Variants in SH3GL3 observed in about 807,000 individuals in gnomAD.
SH3GL3 encodes SH3 domain containing GRB2 like 3, endophilin A3.
A neutral mutation model predicts 47.7 loss-of-function variants in SH3GL3; 33 were observed. That is an observed-to-expected ratio of 0.69 (90% CI 0.52 to 0.92). The LOEUF (loss-of-function observed/expected upper bound fraction) is 0.92. Ranked by LOEUF, SH3GL3 falls within the 40% of genes least tolerant of loss-of-function variation. The pLI, the probability that SH3GL3 is intolerant of heterozygous loss-of-function variation, is 0.00. For missense variants in SH3GL3, 363 were observed against 417.8 expected (o/e 0.87, Z 1.14); for synonymous variants, 155 against 148.8 (o/e 1.04, Z -0.30).
intron 1 of SH3GL3, among the ~76,000 whole-genome samples, chr15:83,514,663 TTCTC>T (rs2042907663): frequency 6.6e-6 from 1 of 152,196 alleles, no homozygotes; most frequent in African/African-American, 2.4e-5. Context: ...AAAGTTGTGT[TTCTC>T]TATCTATAGG....
chr15:83,551,328 A>G (rs1049552984), intron 1 of SH3GL3, among the ~76,000 whole-genome samples: 1 of 152,198 alleles, frequency 6.6e-6, no homozygotes, highest in Non-Finnish European at 1.5e-5. Context: ...CACGAGCCAC[A>G]TTGAGTAGCC....
intron 1 of SH3GL3, among the ~76,000 whole-genome samples, chr15:83,458,835 A>G (rs1005585844): frequency 6.6e-6 from 1 of 152,248 alleles, no homozygotes; most frequent in African/African-American, 2.4e-5. Flanking sequence ...AGAAGGGTGT[A>G]TTAGTCAGGG....
At chr15:83,470,357 T>C (rs963047268) in intron 1 of SH3GL3, among the ~76,000 whole-genome samples, 1 of 152,170 alleles carries the variant, frequency 6.6e-6, no homozygotes, top group African/African-American at 2.4e-5. Flanking sequence ...CCCAAGTAGC[T>C]GGGATTACAG....
chr15:83,619,419 G>C (rs1216588784), downstream of SH3GL3, among the ~76,000 whole-genome samples: 1 of 152,146 alleles, frequency 6.6e-6, no homozygotes, highest in African/African-American at 2.4e-5. Flanking sequence ...CTGTTGCTGG[G>C]GGAGGGGAGG....
intron 4 of SH3GL3, among the ~76,000 whole-genome samples, chr15:83,569,587 A>T (rs1467300904): frequency 1.3e-5 from 2 of 152,154 alleles, no homozygotes. Flanking sequence ...TTCCCAACCT[A>T]CCCTTCAGAA....
Position 83,498,513 on chromosome 15 carries a change from C to G in SH3GL3, c.45+50935C>G, listed in dbSNP as rs185657202. ...TGTTGCCATTATTCTATTCATCATT[C>G]ATTCAACGCTTCTGAGTATCCTCAG... On this transcript the variant is annotated intron_variant, in intron 1 of 8. Transcript: ENST00000427482. Among the ~76,000 whole-genome samples the G allele has an allele frequency of 1.5e-3, 224 of 152,312 alleles. 1 individual carries two copies. The highest frequency in any genetic ancestry group is 5.1e-3 in the African/African-American group (213 of 41,572).
the SH3GL3 span, among the ~76,000 whole-genome samples, chr15:83,630,814 G>A: frequency 6.6e-6 from 1 of 151,874 alleles, no homozygotes; most frequent in Non-Finnish European, 1.5e-5. Flanking sequence ...ATACCATTCT[G>A]CCCCTGGCCC....
At chr15:83,594,395 C>T (rs1001033290) in intron 8 of SH3GL3, among the ~76,000 whole-genome samples, 3 of 152,106 alleles carry the variant, frequency 2.0e-5, no homozygotes, top group East Asian at 1.9e-4. Context: ...AAAGTTGTGA[C>T]GATAGCACAG....
rs1362007455 is a variant in SH3GL3 at position 83,465,023 on chromosome 15, T to TAATAATAAC, written c.45+17447_45+17448insTAATAACAA. On this transcript the variant is annotated intron_variant, in intron 1 of 8. Transcript: ENST00000427482. ...ATAATAATAATAATAATAATAATAA[T>TAATAATAAC]AACAGCAATAAAAACAGCTCATGTG... Among the ~76,000 whole-genome samples, 6 of 137,922 alleles carry TAATAATAAC rather than the reference T, an allele frequency of 4.4e-5. No homozygotes were observed. In the South Asian group the frequency reaches 1.4e-3, roughly 31 times the overall value. The allele number at this position is 137,922 out of a possible 152,430, so 90.5% of individuals were successfully genotyped here.
intron 1 of SH3GL3, chr15:83,490,702 T>C (rs1205430144): frequency 6.9e-6 from 10 of 1,447,172 alleles, no homozygotes; most frequent in Non-Finnish European, 8.4e-6. Context: ...CAGACCAAGC[T>C]CTCACAAGGG....
intron 6 of SH3GL3, among the ~76,000 whole-genome samples, chr15:83,584,198 C>A (rs940061545): frequency 5.3e-5 from 8 of 152,172 alleles, no homozygotes; most frequent in Admixed American, 1.3e-4. Context: ...CGCTTCCTCC[C>A]TCTTCACAGC....
rs147386576 is a variant in SH3GL3, at chr15:83,448,721, T to C, written c.45+1143T>C. 0.011 allele frequency among the ~76,000 whole-genome samples: 1,726 copies of C among 152,236 alleles called. 16 individuals are homozygous for C. Among genetic ancestry groups the C allele is most frequent in the Non-Finnish European group, 0.015 (995 of 68,018 alleles). ...CACAAATTGGCCCATAGAAAGCAACTGCAATTAGAAGATTCTCTTCTTCTA... is the reference window on the plus strand; with the variant it reads ...CACAAATTGGCCCATAGAAAGCAACCGCAATTAGAAGATTCTCTTCTTCTA... On this transcript the variant is annotated intron_variant, in intron 1 of 8. Transcript: ENST00000427482. This position sits in a 1 kb window ranked among gnomAD's most constrained non-coding sequence, Gnocchi z 4.2.
intron 8 of SH3GL3, among the ~76,000 whole-genome samples, chr15:83,601,201 CTGAT>C (rs2060369450): frequency 1.3e-5 from 2 of 152,158 alleles, no homozygotes; most frequent in African/African-American, 4.8e-5. Context: ...TTTCTCTTGT[CTGAT>C]TGCTTTGGCT....
intron 8 of SH3GL3, among the ~76,000 whole-genome samples, chr15:83,605,980 A>G (rs2060505288): frequency 6.6e-6 from 1 of 151,868 alleles, no homozygotes; most frequent in Non-Finnish European, 1.5e-5. Flanking sequence ...CCAGGTTGTC[A>G]CCTCCTGAAT....
At chr15:83,505,702 T>A (rs1386618287) in intron 1 of SH3GL3, among the ~76,000 whole-genome samples, 1 of 151,956 alleles carries the variant, frequency 6.6e-6, no homozygotes, top group Non-Finnish European at 1.5e-5. Context: ...AATTTTTGTA[T>A]TTTTTAGTGG....
intron 2 of SH3GL3, among the ~76,000 whole-genome samples, chr15:83,560,005 T>A (rs1229368810): frequency 6.6e-6 from 1 of 152,238 alleles, no homozygotes; most frequent in Non-Finnish European, 1.5e-5. Flanking sequence ...CCCAGTCAGC[T>A]GTGTGGAGTT....
At chr15:83,556,643 T>C (rs1283280400) in intron 1 of SH3GL3, among the ~76,000 whole-genome samples, 3 of 152,188 alleles carry the variant, frequency 2.0e-5, no homozygotes, top group Non-Finnish European at 4.4e-5. Context: ...TGGGCTTCTG[T>C]GGTTTCAATA....
intron 8 of SH3GL3, among the ~76,000 whole-genome samples, chr15:83,601,321 T>G (rs1287715011): frequency 6.6e-6 from 1 of 152,226 alleles, no homozygotes; most frequent in Non-Finnish European, 1.5e-5. Flanking sequence ...CAGTATTATG[T>G]TGGCTGTGGG....
At chr15:83,535,941 G>A (rs1363183592) in intron 1 of SH3GL3, among the ~76,000 whole-genome samples, 3 of 152,134 alleles carry the variant, frequency 2.0e-5, no homozygotes, top group South Asian at 4.1e-4. Context: ...AACTAGAGAA[G>A]GGCATTGCCC....
Sources: allele counts gnomAD v4.1 joint callset (sites outside exome capture counted in the v4.1 genomes callset), GRCh38; gene constraint gnomAD v4.1.1; non-coding constraint Gnocchi (gnomAD v3.1); transcripts MANE v1.5; gene names NCBI Gene and HGNC (gene_info 2026-07-23, HGNC 2026-07-21).